Variants in FAM13B observed in about 807,000 individuals in gnomAD.
FAM13B encodes the protein protein FAM13B.
In FAM13B, 60 loss-of-function variants were observed where a neutral mutation model predicts 117.3. The observed-to-expected ratio is 0.51, with a 90% CI of 0.42 to 0.63. The LOEUF is 0.63. Among genes scored for constraint, FAM13B ranks in the 30% least tolerant of loss-of-function variants. The pLI, the probability that FAM13B is intolerant of heterozygous loss-of-function variation, is 0.00. For missense variants in FAM13B, 972 were observed against 1,091.9 expected (o/e 0.89, Z 1.55); for synonymous variants, 332 against 356.1 (o/e 0.93, Z 0.76).
At chr5:137,983,835 G>C (rs915054430) in intron 10 of FAM13B, among the ~76,000 whole-genome samples, 1 of 152,084 alleles carries the variant, frequency 6.6e-6, no homozygotes, top group Non-Finnish European at 1.5e-5. Flanking sequence ...CAGGTAACTT[G>C]GCCAAAGTCA....
intron 4 of FAM13B, among the ~76,000 whole-genome samples, chr5:138,012,905 CAA>C (rs558718694): frequency 9.0e-5 from 13 of 143,786 alleles, no homozygotes; most frequent in African/African-American, 2.8e-4. Flanking sequence ...TATGTTGATT[CAA>C]AAAAAAAAAA....
chr5:137,960,418 C>T (rs1043228754), intron 11 of FAM13B, among the ~76,000 whole-genome samples: 10 of 151,986 alleles, frequency 6.6e-5, no homozygotes, highest in African/African-American at 2.4e-4. Flanking sequence ...AGAATCACTT[C>T]GGGTTTAGAA....
Position 137,959,622 on chromosome 5 carries a change from A to G in FAM13B, c.1435T>C (p.Trp479Arg), listed in dbSNP as rs1300073081. 1.2e-6 allele frequency: 2 copies of G among 1,613,644 alleles called. No individual in the cohort carries two copies. The highest frequency in any genetic ancestry group is 2.7e-5 in the African/African-American group (2 of 74,918). Reference sequence around the variant, plus strand: ...TGCGTGTGGGTAAAATTACCTTCCCATTTATCACCATCAGAAACATTCTTC... The same window carrying G: ...TGCGTGTGGGTAAAATTACCTTCCCGTTTATCACCATCAGAAACATTCTTC... ...DLKNVSDGDK[W>R]EASCPITFPL... The change falls in exon 13 of 24, where the codon TGG (tryptophan) becomes CGG (arginine). Residue 479 changes from tryptophan (W) to arginine (R), a missense_variant. Transcript: ENST00000689681.
intron 18 of FAM13B, 22 bp downstream of exon 18, chr5:137,948,932 CA>C (rs1275852424): frequency 6.3e-7 from 1 of 1,590,972 alleles, no homozygotes. Flanking sequence ...CTAATCTGGG[CA>C]AAAATCATAG....
intron 10 of FAM13B, among the ~76,000 whole-genome samples, 192 bp from the exon 11 acceptor site, chr5:137,962,661 T>C (rs1238256005): frequency 6.6e-6 from 1 of 152,198 alleles, no homozygotes; most frequent in African/African-American, 2.4e-5. Context: ...ACCTGGGTCA[T>C]ATGAAGTATA....
intron 14 of FAM13B, among the ~76,000 whole-genome samples, chr5:137,955,912 G>A (rs868022192): frequency 1.3e-5 from 2 of 152,136 alleles, no homozygotes; most frequent in East Asian, 1.9e-4. Flanking sequence ...GATTACAAGC[G>A]TGAGCCACCA....
chr5:138,044,997 G>A (rs1023114581), intron 1 of FAM13B, among the ~76,000 whole-genome samples: 1 of 152,230 alleles, frequency 6.6e-6, no homozygotes, highest in African/African-American at 2.4e-5. Context: ...ATCAAGTGAT[G>A]TGGAAGAGCA....
At chr5:137,979,104 C>A (rs957482127) in intron 10 of FAM13B, among the ~76,000 whole-genome samples, 10 of 151,812 alleles carry the variant, frequency 6.6e-5, no homozygotes, top group African/African-American at 2.4e-4. Context: ...CCTCCTCCTC[C>A]TGGGTTCAAG....
intron 14 of FAM13B, among the ~76,000 whole-genome samples, chr5:137,955,549 C>A (rs1766266536): frequency 6.6e-6 from 1 of 152,162 alleles, no homozygotes; most frequent in Non-Finnish European, 1.5e-5. Context: ...AGATCATACA[C>A]ACAATCCACA....
Position 137,949,156 on chromosome 5 carries a change from T to C in FAM13B, c.1959A>G (p.Glu653=), listed in dbSNP as rs766406077. 3 of 1,614,070 alleles carry C rather than the reference T, an allele frequency of 1.9e-6. No individual in the cohort carries two copies. The South Asian group carries it at 3.3e-5, about 18-fold the overall frequency. Residue 653 remains glutamate (E), a synonymous_variant, in exon 18 of 24, where the codon GAA becomes GAG. Transcript: ENST00000689681. ...KDAKHKNSDG[E]FVPQTRPRSN... ...TACGTGGACGTGTCTGAGGTACAAA[T>C]TCTCCATCAGAATTTTTGTGTTTTG...
rs1352669179 is a variant in FAM13B, at chr5:138,030,719, C to CA, written c.-203+2062_-203+2063insT. On this transcript the variant is annotated intron_variant, in intron 1 of 23. Transcript: ENST00000689681. ...ACAAGAATGAAACTCCGTCCCCCCC[C>CA]CCCAAAAAAAAAAATTGAACGTAAG... Among the ~76,000 whole-genome samples, 3 of 144,910 alleles carry CA rather than the reference C, an allele frequency of 2.1e-5. No homozygotes were observed. In the South Asian group the frequency reaches 7.0e-4, roughly 34 times the overall value.
chr5:138,020,977 C>T, intron 2 of FAM13B, 54 bp downstream of exon 2: 1 of 1,202,598 alleles, frequency 8.3e-7, no homozygotes, highest in Non-Finnish European at 1.0e-6. Flanking sequence ...GGGCAAGTTC[C>T]AAAATCTCTA....
chr5:137,945,191 A>G (rs149572215), intron 20 of FAM13B, among the ~76,000 whole-genome samples: 1 of 152,328 alleles, frequency 6.6e-6, no homozygotes, highest in Non-Finnish European at 1.5e-5. Flanking sequence ...AATAGCCTGA[A>G]AGCCACAGCA....
Position 137,966,498 on chromosome 5 carries a change from G to T in FAM13B, c.1180-4029C>A, listed in dbSNP as rs1325293120. The stretch of plus-strand genomic sequence containing the variant: ...ATATATATATATATATAGAGAGAGA[G>T]AGAGAGAGAGAGAGAGAGAGAGAGA... On this transcript the variant is annotated intron_variant, in intron 10 of 23. Coordinates refer to ENST00000689681, the MANE Select transcript of FAM13B (RefSeq NM_001385994.1). 7.4e-3 allele frequency among the ~76,000 whole-genome samples: 984 copies of T among 132,746 alleles called. 6 individuals are homozygous for T. Among genetic ancestry groups the T allele is most frequent in the Non-Finnish European group, 0.01 (630 of 62,074 alleles). 87.1% of individuals were successfully genotyped at this position (132,746 alleles called of 152,430 possible).
Position 137,949,202 on chromosome 5 carries a change from G to C in FAM13B, c.1931-18C>G. 1 of 1,589,994 alleles carries C rather than the reference G, an allele frequency of 6.3e-7. No homozygotes were observed. Among genetic ancestry groups the C allele is most frequent in the Non-Finnish European group, 8.6e-7 (1 of 1,158,676 alleles). On this transcript the variant is annotated intron_variant, in intron 17 of 23. Transcript: ENST00000689681. ...TTTTGCATCTACATGTCAGAAATAA[G>C]GACAGATCAGTAATAATTGGTTTTA...
intron 1 of FAM13B, among the ~76,000 whole-genome samples, chr5:138,041,790 G>C (rs56009844): frequency 6.6e-6 from 1 of 151,464 alleles, no homozygotes; most frequent in African/African-American, 2.4e-5. Context: ...AATTGGGGGT[G>C]GGGGGTGGTA....
At chr5:137,976,071 C>T (rs1187219952) in intron 10 of FAM13B, among the ~76,000 whole-genome samples, 3 of 144,762 alleles carry the variant, frequency 2.1e-5, no homozygotes, top group Non-Finnish European at 4.5e-5. Context: ...GCCATTCTGC[C>T]TCAGCCTCCC....
At chr5:137,968,760 C>T (rs36186441) in intron 10 of FAM13B, among the ~76,000 whole-genome samples, 5,977 of 152,242 alleles carry the variant, frequency 0.039, 144 homozygotes, top group Middle Eastern at 0.058. Context: ...GTGCATCGTG[C>T]GCGAGCCAAA....
chr5:137,966,478 TATATATATATAGAGAGAG>T (rs1307279319), intron 10 of FAM13B, among the ~76,000 whole-genome samples: 907 of 64,394 alleles, frequency 0.014, 15 homozygotes, highest in African/African-American at 0.047. Flanking sequence ...TATATATATA[TATATATATATAGAGAGAG>T]AGAGAGAGAG....
Sources: allele counts gnomAD v4.1 joint callset (sites outside exome capture counted in the v4.1 genomes callset), GRCh38; gene constraint gnomAD v4.1.1; transcripts MANE v1.5; gene names NCBI Gene and HGNC (gene_info 2026-07-23, HGNC 2026-07-21).